TENM4: variants seen among roughly 807,000 people sequenced by gnomAD.
The protein encoded by TENM4 is teneurin transmembrane protein 4.
TENM4 carries 82 observed loss-of-function variants against 243.3 expected under a neutral mutation model. The ratio of observed to expected loss-of-function variants is 0.34; its 90% CI spans 0.28 to 0.40. The LOEUF (loss-of-function observed/expected upper bound fraction) is 0.40, where lower values mean the gene tolerates loss of function less well. Among genes scored for constraint, TENM4 ranks in the 10% least tolerant of loss-of-function variants. The pLI is 1.00. For synonymous variants in TENM4, 1,412 were observed against 1,456.3 expected (o/e 0.97, Z 0.69); for missense variants, 3,138 against 3,673.3 (o/e 0.85, Z 3.77).
At chr11:78,785,358 A>G (rs929615358) in intron 16 of TENM4, among the ~76,000 whole-genome samples, 1 of 152,132 alleles carries the variant, frequency 6.6e-6, no homozygotes. Context: ...GGCTGGGCAG[A>G]TTAGGTGAGG....
chr11:78,670,201 A>G lies in TENM4; in HGVS notation c.6144T>C (p.Asn2048=). 2 of 1,613,924 alleles carry G rather than the reference A, an allele frequency of 1.2e-6. No individual in the cohort carries two copies. The highest frequency in any genetic ancestry group is 2.2e-5 in the East Asian group (1 of 44,874). Residue 2048 remains asparagine, a synonymous_variant, in exon 32 of 34, where the codon AAT becomes AAC. Coordinates refer to ENST00000278550, the MANE Select transcript of TENM4 (RefSeq NM_001098816.3). The part of the protein sequence containing the change: ...AGMLKTINLQ[N]EGFTCTIRYR... Reference sequence around the variant, plus strand: ...AGCGGATGGTGCAGGTGAAGCCCTCATTCTGTAGGTTGATGGTCTTCAGCA... The same window carrying G: ...AGCGGATGGTGCAGGTGAAGCCCTCGTTCTGTAGGTTGATGGTCTTCAGCA...
intron 2 of TENM4, among the ~76,000 whole-genome samples, chr11:79,222,382 C>T (rs1344179548): frequency 6.6e-6 from 1 of 152,110 alleles, no homozygotes; most frequent in Non-Finnish European, 1.5e-5. Context: ...ATATGTACAA[C>T]ATTTTTTTTC....
intron 6 of TENM4, among the ~76,000 whole-genome samples, chr11:78,930,543 T>A (rs1856645163): frequency 6.6e-6 from 1 of 152,212 alleles, no homozygotes; most frequent in South Asian, 2.1e-4. Flanking sequence ...ACTTATCCTA[T>A]CTGAGCCTCG....
At chr11:79,233,640 G>A (rs185892426) in intron 2 of TENM4, among the ~76,000 whole-genome samples, 1 of 152,214 alleles carries the variant, frequency 6.6e-6, no homozygotes, top group African/African-American at 2.4e-5. Flanking sequence ...ATATTGGTGG[G>A]GCAAGGCGGG....
intron 9 of TENM4, among the ~76,000 whole-genome samples, chr11:78,867,486 T>C (rs985285925): frequency 6.6e-6 from 1 of 152,156 alleles, no homozygotes; most frequent in Non-Finnish European, 1.5e-5. Flanking sequence ...TAGTTCTGGG[T>C]TATGGGAGAG....
intron 1 of TENM4, among the ~76,000 whole-genome samples, chr11:79,299,477 C>T (rs1856515990): frequency 6.6e-6 from 1 of 152,164 alleles, no homozygotes; most frequent in African/African-American, 2.4e-5. Context: ...GTTTTCAAAT[C>T]CAGGCAGGGT....
At chr11:79,026,343 G>A (rs1463380558) in intron 6 of TENM4, among the ~76,000 whole-genome samples, 1 of 152,194 alleles carries the variant, frequency 6.6e-6, no homozygotes, top group Non-Finnish European at 1.5e-5. Flanking sequence ...TGTGCAGATG[G>A]AATTCAAGGC....
In TENM4 at chr11:78,669,388, G is replaced by C; in HGVS notation, c.6957C>G (p.Asn2319Lys). 1 of 1,613,772 alleles carries C rather than the reference G, an allele frequency of 6.2e-7. No homozygotes were observed. Among genetic ancestry groups the C allele is most frequent in the Non-Finnish European group, 8.5e-7 (1 of 1,179,742 alleles). ...HLQFFYADLT[N>K]PTKVTHLYNH... ...TGTACAGGTGGGTGACCTTGGTGGG[G>C]TTGGTCAGGTCTGCATAGAAGAACT... The change falls in exon 32 of 34, where the codon AAC becomes AAG. Residue 2319 changes from asparagine to lysine, a missense_variant. Around this residue, in one of 2 missense-constraint regions of TENM4, gnomAD observed 2,467 missense variants for 3,059.1 expected, o/e 0.81. Transcript: ENST00000278550. This position sits in a 1 kb window ranked among gnomAD's most constrained non-coding sequence, Gnocchi z 6.4.
At chr11:79,133,485 C>T (rs1045523352) in intron 4 of TENM4, among the ~76,000 whole-genome samples, 2 of 152,024 alleles carry the variant, frequency 1.3e-5, no homozygotes, top group Non-Finnish European at 2.9e-5. Context: ...AGAAGGAACC[C>T]TCCCTAATTC....
At chr11:78,866,556 C>T (rs1231696748) in intron 9 of TENM4, among the ~76,000 whole-genome samples, 1 of 148,136 alleles carries the variant, frequency 6.8e-6, no homozygotes, top group African/African-American at 2.5e-5. Context: ...TCTGGGGTCC[C>T]AGGGAAGTTA....
chr11:79,438,227 G>C lies in TENM4; in HGVS notation c.-321+2282C>G, dbSNP rs1415351773. ...CGTTCCCCACGGCTGTGTCAGGGCT[G>C]GGGTGGCTTATCCCCCTACAGACGA... On this transcript the variant is annotated intron_variant, in intron 1 of 33. Transcript: ENST00000278550. This position sits in a 1 kb window ranked among gnomAD's most constrained non-coding sequence, Gnocchi z 4.1. 1.3e-5 allele frequency among the ~76,000 whole-genome samples: 2 copies of C among 152,182 alleles called. No homozygotes were observed. The highest frequency in any genetic ancestry group is 2.9e-5 in the Non-Finnish European group (2 of 68,030).
At chr11:79,108,626 C>T (rs964313112) in intron 4 of TENM4, among the ~76,000 whole-genome samples, 6 of 152,034 alleles carry the variant, frequency 3.9e-5, no homozygotes, top group Middle Eastern at 3.4e-3. Context: ...TTAGCATCAC[C>T]GATGAGCATA....
At chr11:78,821,628 GA>G (rs1411872753) in intron 12 of TENM4, among the ~76,000 whole-genome samples, 1 of 152,206 alleles carries the variant, frequency 6.6e-6, no homozygotes, top group African/African-American at 2.4e-5. Context: ...CGTGTTCACT[GA>G]AGAACAACCA....
intron 18 of TENM4, among the ~76,000 whole-genome samples, chr11:78,770,165 G>A (rs960796573): frequency 1.3e-5 from 2 of 152,198 alleles, no homozygotes; most frequent in Non-Finnish European, 2.9e-5. Context: ...CTGTGAGTGG[G>A]AGAATCAGGA....
chr11:79,406,038 G>A (rs1054348377), intron 1 of TENM4, among the ~76,000 whole-genome samples: 3 of 152,188 alleles, frequency 2.0e-5, no homozygotes, highest in Middle Eastern at 6.8e-3. Context: ...GGCTCACTTT[G>A]ATGGTTCCAG....
intron 4 of TENM4, among the ~76,000 whole-genome samples, chr11:79,082,962 C>A (rs568972557): frequency 6.6e-6 from 1 of 152,142 alleles, no homozygotes; most frequent in African/African-American, 2.4e-5. Context: ...AATAATTAGC[C>A]GCTGTAAGTC....
intron 3 of TENM4, among the ~76,000 whole-genome samples, chr11:79,204,867 G>A (rs1863817635): frequency 6.6e-6 from 1 of 152,124 alleles, no homozygotes; most frequent in African/African-American, 2.4e-5. Flanking sequence ...GGATAAATGA[G>A]CTCTATTACA....
intron 11 of TENM4, 71 bp downstream of exon 11, chr11:78,855,893 T>C (rs1238476376): frequency 3.2e-5 from 46 of 1,429,256 alleles, no homozygotes; most frequent in Admixed American, 6.2e-5. Context: ...TGGATTGGGC[T>C]TCTTAACTTT....
intron 27 of TENM4, among the ~76,000 whole-genome samples, chr11:78,704,993 C>T (rs1367939265): frequency 1.3e-5 from 2 of 152,236 alleles, no homozygotes; most frequent in African/African-American, 2.4e-5. Context: ...AGCCAGGGAG[C>T]CTGCAAACTC....
Sources: allele counts gnomAD v4.1 joint callset (sites outside exome capture counted in the v4.1 genomes callset), GRCh38; gene constraint gnomAD v4.1.1; regional missense constraint gnomAD v4.1.1; non-coding constraint Gnocchi (gnomAD v3.1); transcripts MANE v1.5; gene names NCBI Gene and HGNC (gene_info 2026-07-23, HGNC 2026-07-21).